Variants in SRFBP1 observed in about 807,000 individuals in gnomAD.
SRFBP1 encodes serum response factor binding protein 1.
In SRFBP1, 47 loss-of-function variants were observed where a neutral mutation model predicts 45.5. That is an observed-to-expected ratio of 1.03 (90% CI 0.82 to 1.32). The LOEUF (loss-of-function observed/expected upper bound fraction) is 1.32, where lower values mean the gene tolerates loss of function less well. Among genes scored for constraint, SRFBP1 ranks in the 40% most tolerant of loss-of-function variants. The pLI, the probability that SRFBP1 is intolerant of heterozygous loss-of-function variation, is 0.00. For missense variants in SRFBP1, 621 were observed against 484.6 expected (o/e 1.28, Z -2.64); for synonymous variants, 203 against 166.3 (o/e 1.22, Z -1.70).
intron 2 of SRFBP1, among the ~76,000 whole-genome samples, chr5:122,043,399 A>G (rs1337407426): frequency 3.3e-5 from 5 of 152,058 alleles, no homozygotes; most frequent in Admixed American, 3.3e-4. Context: ...TATTTTTAGC[A>G]GAGACGAGGT....
At chr5:122,039,714 G>A (rs1447239554) in intron 2 of SRFBP1, among the ~76,000 whole-genome samples, 2 of 152,096 alleles carry the variant, frequency 1.3e-5, no homozygotes, top group African/African-American at 2.4e-5. Context: ...ATCCTCCCAA[G>A]TCCATCCAGT....
intron 4 of SRFBP1, among the ~76,000 whole-genome samples, chr5:121,997,657 T>C (rs1427197974): frequency 6.6e-6 from 1 of 150,652 alleles, no homozygotes; most frequent in African/African-American, 2.4e-5. Context: ...AAGACAAAAT[T>C]GACAAATGGG....
intron 1 of SRFBP1, among the ~76,000 whole-genome samples, chr5:121,972,587 T>G (rs1752222495): frequency 6.6e-6 from 1 of 151,920 alleles, no homozygotes; most frequent in South Asian, 2.1e-4. Context: ...GACTACGGTT[T>G]CCTCACCAGA....
intron 2 of SRFBP1, among the ~76,000 whole-genome samples, chr5:122,039,048 T>G (rs1312970705): frequency 6.6e-6 from 1 of 152,068 alleles, no homozygotes; most frequent in African/African-American, 2.4e-5. Flanking sequence ...GATAGCAAAA[T>G]TAAAATCAAA....
chr5:122,069,987 A>G (rs1184628103), intron 2 of SRFBP1: 2 of 1,113,226 alleles, frequency 1.8e-6, no homozygotes, highest in South Asian at 1.2e-5. Flanking sequence ...CATTCTATGT[A>G]TAATGTTTGG....
intron 2 of SRFBP1, among the ~76,000 whole-genome samples, chr5:122,061,225 A>G (rs1754164005): frequency 2.6e-5 from 4 of 151,728 alleles, no homozygotes; most frequent in Non-Finnish European, 5.9e-5. Flanking sequence ...TTTTCAAACA[A>G]ACGATCTCTT....
rs558481369 is a variant in SRFBP1 at position 121,999,728 on chromosome 5, A to G, written c.270+5058A>G. On this transcript the variant is annotated intron_variant, in intron 4 of 7. Transcript: ENST00000339397. Reference sequence around the variant, plus strand: ...GATAATATTTATTGTGCTGAAGTCTATCTTGTCTGAAATTTATATCACTGC... The same window carrying G: ...GATAATATTTATTGTGCTGAAGTCTGTCTTGTCTGAAATTTATATCACTGC... Among the ~76,000 whole-genome samples, 76 of 152,154 alleles carry G rather than the reference A, an allele frequency of 5.0e-4. 1 individual carries two copies. In the South Asian group the frequency reaches 0.015, roughly 31 times the overall value.
intron 2 of SRFBP1, among the ~76,000 whole-genome samples, chr5:122,050,147 A>G (rs1374386370): frequency 1.3e-5 from 2 of 152,126 alleles, no homozygotes; most frequent in South Asian, 2.1e-4. Flanking sequence ...TCAGTTTGCT[A>G]GTATTTTCTT....
intron 3 of SRFBP1, among the ~76,000 whole-genome samples, chr5:121,983,918 G>A (rs1278146812): frequency 6.6e-6 from 1 of 151,660 alleles, no homozygotes; most frequent in South Asian, 2.1e-4. Context: ...TGCCAGATGG[G>A]ATCTAATTTC....
At chr5:122,003,862 T>G (rs1234002447) in intron 4 of SRFBP1, among the ~76,000 whole-genome samples, 1 of 152,232 alleles carries the variant, frequency 6.6e-6, no homozygotes, top group African/African-American at 2.4e-5. Context: ...TGTGTCCTTT[T>G]GGGAAATGTC....
intron 4 of SRFBP1, among the ~76,000 whole-genome samples, chr5:121,998,514 G>A (rs1280333576): frequency 8.6e-6 from 1 of 116,464 alleles, no homozygotes; most frequent in Non-Finnish European, 1.7e-5. Context: ...GGGGACTGTG[G>A]TGGGGTGGGG....
chr5:121,971,950 G>A (rs1305939825), intron 1 of SRFBP1, among the ~76,000 whole-genome samples: 1 of 151,934 alleles, frequency 6.6e-6, no homozygotes, highest in African/African-American at 2.4e-5. Context: ...AACTGGATTT[G>A]TGTGGCATGC....
intron 1 of SRFBP1, among the ~76,000 whole-genome samples, chr5:121,964,319 A>G (rs1752015362): frequency 1.3e-5 from 2 of 151,872 alleles, no homozygotes; most frequent in Non-Finnish European, 1.5e-5. Context: ...TACATTAGGT[A>G]TTTCTCCTAA....
chr5:122,047,841 CTGTT>C (rs1417373145), intron 2 of SRFBP1, among the ~76,000 whole-genome samples: 4 of 152,132 alleles, frequency 2.6e-5, no homozygotes, highest in African/African-American at 9.7e-5. Flanking sequence ...TGATTTGGCT[CTGTT>C]TGTCTGTTAT....
intron 2 of SRFBP1, among the ~76,000 whole-genome samples, chr5:122,074,329 T>C (rs573816569): frequency 3.3e-5 from 5 of 152,304 alleles, no homozygotes; most frequent in African/African-American, 1.2e-4. Context: ...GGTTTTTTTT[T>C]CCCCAGGACA....
In SRFBP1 at chr5:121,993,613, T is replaced by C. The variant is rs183052337; in HGVS notation, c.199-986T>C. 5.3e-5 allele frequency among the ~76,000 whole-genome samples: 8 copies of C among 152,258 alleles called. No individual in the cohort carries two copies. The East Asian group carries it at 1.5e-3, about 29-fold the overall frequency. On this transcript the variant is annotated intron_variant, in intron 3 of 7. Transcript: ENST00000339397. ...TGAGTCTTACTTTTCACTTGTTAAA[T>C]GAAGAACTGACAGAGGTAATTTCGG...
chr5:122,012,940 C>G (rs1753123334), intron 4 of SRFBP1, among the ~76,000 whole-genome samples: 1 of 152,060 alleles, frequency 6.6e-6, no homozygotes, highest in African/African-American at 2.4e-5. Flanking sequence ...GTTTAAATTT[C>G]TAGGAGTTTT....
At chr5:121,971,925 T>G (rs935752832) in intron 1 of SRFBP1, among the ~76,000 whole-genome samples, 3 of 151,946 alleles carry the variant, frequency 2.0e-5, no homozygotes, top group African/African-American at 7.2e-5. Context: ...AGTAGACTGA[T>G]GAGGATGAAA....
At chr5:122,056,983 G>C (rs537588176) in intron 2 of SRFBP1, among the ~76,000 whole-genome samples, 14 of 152,152 alleles carry the variant, frequency 9.2e-5, no homozygotes, top group African/African-American at 3.4e-4. Flanking sequence ...TGTCAGTTAG[G>C]GTGCTTGAAA....
Sources: gnomAD v4.1 joint callset for allele counts (sites outside exome capture counted in the v4.1 genomes callset) on GRCh38, gnomAD v4.1.1 for gene constraint, MANE v1.5 for transcripts, NCBI Gene and HGNC (gene_info 2026-07-23, HGNC 2026-07-21) for gene names.